The following SAMTOR variants were observed in gnomAD, a reference collection of about 807,000 sequenced individuals.
SAMTOR encodes the protein S-adenosylmethionine sensor upstream of mTORC1.
chr7:112,919,832 TA>T, the SAMTOR span, among the ~76,000 whole-genome samples: 2 of 152,168 alleles, frequency 1.3e-5, no homozygotes, highest in African/African-American at 4.8e-5. Context: ...TCTACGCAAA[TA>T]AACTAGAAAA....
At chr7:112,846,950 A>G in the SAMTOR span, among the ~76,000 whole-genome samples, 1 of 152,166 alleles carries the variant, frequency 6.6e-6, no homozygotes, top group Non-Finnish European at 1.5e-5. Context: ...TCAAGAGAGA[A>G]TTCTTTTACA....
At chr7:112,868,697 T>A in the SAMTOR span, among the ~76,000 whole-genome samples, 1 of 152,164 alleles carries the variant, frequency 6.6e-6, no homozygotes, top group African/African-American at 2.4e-5. Context: ...GCAGACATTT[T>A]AGTATCAGTC....
chr7:112,907,643 A>G, the SAMTOR span, among the ~76,000 whole-genome samples: 1 of 151,932 alleles, frequency 6.6e-6, no homozygotes, highest in Non-Finnish European at 1.5e-5. Flanking sequence ...AAAAACTATC[A>G]AAAACATGAT....
At chr7:112,836,493 T>G in the SAMTOR span, among the ~76,000 whole-genome samples, 1 of 152,130 alleles carries the variant, frequency 6.6e-6, no homozygotes, top group Non-Finnish European at 1.5e-5. Context: ...TAGGTCCCAC[T>G]TGTCAATGTT....
At chr7:112,843,067 A>T in the SAMTOR span, among the ~76,000 whole-genome samples, 1 of 152,052 alleles carries the variant, frequency 6.6e-6, no homozygotes, top group Non-Finnish European at 1.5e-5. Context: ...TAAATTCAGC[A>T]AATATTTAAA....
chr7:112,877,417 T>G, the SAMTOR span, among the ~76,000 whole-genome samples: 1 of 152,308 alleles, frequency 6.6e-6, no homozygotes, highest in East Asian at 1.9e-4. Context: ...AAAAGAGCAT[T>G]TGTTTATGCG....
the SAMTOR span, among the ~76,000 whole-genome samples, chr7:112,903,903 C>CTA: frequency 6.6e-6 from 1 of 151,806 alleles, no homozygotes; most frequent in Non-Finnish European, 1.5e-5. Context: ...TAAACTTCAT[C>CTA]TATGAGATGA....
chr7:112,878,576 G>A, the SAMTOR span, among the ~76,000 whole-genome samples: 1 of 152,076 alleles, frequency 6.6e-6, no homozygotes, highest in South Asian at 2.1e-4. Context: ...TATATCTAAG[G>A]ACAAACAGGA....
chr7:112,879,300 T>C, the SAMTOR span, among the ~76,000 whole-genome samples: 1 of 151,424 alleles, frequency 6.6e-6, no homozygotes, highest in African/African-American at 2.4e-5. Flanking sequence ...CAAGCCGCCA[T>C]GTGCAGCTGC....
the SAMTOR span, among the ~76,000 whole-genome samples, chr7:112,937,329 T>C: frequency 2.0e-5 from 3 of 152,176 alleles, no homozygotes; most frequent in African/African-American, 7.2e-5. Context: ...TCCATAGTTA[T>C]TGGTGCTATA....
At chr7:112,922,820 G>A in the SAMTOR span, among the ~76,000 whole-genome samples, 4 of 151,104 alleles carry the variant, frequency 2.6e-5, no homozygotes, top group Non-Finnish European at 4.4e-5. Flanking sequence ...CGCCCCGTCC[G>A]GGAGGGAGGT....
At chr7:112,888,901 G>C in the SAMTOR span, among the ~76,000 whole-genome samples, 4 of 152,124 alleles carry the variant, frequency 2.6e-5, no homozygotes, top group African/African-American at 9.7e-5. Context: ...GAGAGAGAAA[G>C]ATTTCTCTTT....
At chr7:112,930,790 C>T in the SAMTOR span, among the ~76,000 whole-genome samples, 3 of 152,118 alleles carry the variant, frequency 2.0e-5, no homozygotes, top group Non-Finnish European at 4.4e-5. Context: ...TCCATTGAGG[C>T]AGATATTTTA....
chr7:112,825,282 C>T, the SAMTOR span, among the ~76,000 whole-genome samples: 86 of 152,184 alleles, frequency 5.7e-4, no homozygotes, highest in African/African-American at 2.0e-3. Context: ...TTGCCTAGGC[C>T]TCCCAAAATG....
At chr7:112,918,604 C>A in the SAMTOR span, among the ~76,000 whole-genome samples, 1 of 152,150 alleles carries the variant, frequency 6.6e-6, no homozygotes, top group South Asian at 2.1e-4. Flanking sequence ...ACAATATCAA[C>A]TTTAAATGTA....
chr7:112,882,070 T>C, the SAMTOR span, among the ~76,000 whole-genome samples: 1 of 152,208 alleles, frequency 6.6e-6, no homozygotes, highest in Non-Finnish European at 1.5e-5. Flanking sequence ...TGTTCAGACA[T>C]GGATGCCCAC....
chr7:112,933,732 C>A, the SAMTOR span, among the ~76,000 whole-genome samples: 3 of 152,226 alleles, frequency 2.0e-5, no homozygotes, highest in East Asian at 5.8e-4. Context: ...GAATTAGAAT[C>A]ACATGAGGGA....
the SAMTOR span, among the ~76,000 whole-genome samples, chr7:112,889,935 T>C: frequency 6.6e-6 from 1 of 152,086 alleles, no homozygotes; most frequent in Non-Finnish European, 1.5e-5. Context: ...CACAGAGCAG[T>C]GTCAGTAAAA....
At chr7:112,905,475 ATACT>A in the SAMTOR span, among the ~76,000 whole-genome samples, 1 of 152,200 alleles carries the variant, frequency 6.6e-6, no homozygotes. Flanking sequence ...AATTACAATA[ATACT>A]TATCTGATCT....
Sources: gnomAD v4.1 joint callset for allele counts (sites outside exome capture counted in the v4.1 genomes callset) on GRCh38, gnomAD v4.1.1 for gene constraint, MANE v1.5 for transcripts, NCBI Gene and HGNC (gene_info 2026-07-23, HGNC 2026-07-21) for gene names.